Variants in LDAH observed in about 807,000 individuals in gnomAD.
LDAH encodes lipid droplet-associated hydrolase.
LDAH carries 26 observed loss-of-function variants against 29.6 expected under a neutral mutation model. The observed-to-expected ratio is 0.88, with a 90% CI of 0.64 to 1.22. The LOEUF is 1.22. Ranked by LOEUF, LDAH falls within the 50% of genes most tolerant of loss-of-function variation. The pLI is 0.00. For missense variants in LDAH, 344 were observed against 387.3 expected, an observed-to-expected ratio of 0.89 and a Z score of 0.94; for synonymous variants, 117 against 133.0, an observed-to-expected ratio of 0.88 and a Z score of 0.83.
chr2:20,787,413 T>A (rs1670633756), intron 3 of LDAH, among the ~76,000 whole-genome samples: 1 of 152,102 alleles, frequency 6.6e-6, no homozygotes, highest in Non-Finnish European at 1.5e-5. Flanking sequence ...CATGTCTTAG[T>A]CTCCCGAGTA....
intron 2 of LDAH, among the ~76,000 whole-genome samples, chr2:20,798,258 C>T (rs766941107): frequency 4.6e-5 from 7 of 152,108 alleles, no homozygotes; most frequent in African/African-American, 1.2e-4. Flanking sequence ...ATCTGAGAAA[C>T]GAGGGATCCA....
chr2:20,722,950 G>A (rs1432475410), intron 5 of LDAH, among the ~76,000 whole-genome samples: 1 of 152,156 alleles, frequency 6.6e-6, no homozygotes, highest in Non-Finnish European at 1.5e-5. Flanking sequence ...ATTGTCTTCT[G>A]AAGCTAAACA....
chr2:20,743,644 G>A (rs1470159743), intron 4 of LDAH, among the ~76,000 whole-genome samples: 1 of 152,048 alleles, frequency 6.6e-6, no homozygotes, highest in Non-Finnish European at 1.5e-5. Context: ...GAACATTTTA[G>A]TCTTTGTTTA....
chr2:20,747,327 G>A (rs1269454340), intron 4 of LDAH, among the ~76,000 whole-genome samples: 2 of 152,026 alleles, frequency 1.3e-5, no homozygotes, highest in African/African-American at 2.4e-5. Flanking sequence ...CTGCCTATTT[G>A]TTTATTAGTT....
intron 6 of LDAH, among the ~76,000 whole-genome samples, chr2:20,689,999 C>T (rs763731732): frequency 3.3e-5 from 5 of 152,198 alleles, no homozygotes; most frequent in Admixed American, 1.3e-4. Flanking sequence ...CTGTACGCAC[C>T]GCTGTTGCTT....
intron 4 of LDAH, among the ~76,000 whole-genome samples, chr2:20,749,125 A>G (rs764942657): frequency 1.3e-5 from 2 of 152,146 alleles, no homozygotes; most frequent in Non-Finnish European, 2.9e-5. Flanking sequence ...GGGTGACAAG[A>G]CAAAGTCCCT....
Position 20,686,783 on chromosome 2 carries a change from C to T in LDAH, c.*120G>A. The T allele has an allele frequency of 1.1e-6, 1 of 928,566 alleles. No homozygotes were observed. The highest frequency in any genetic ancestry group is 1.8e-5 in the South Asian group (1 of 56,768). The allele number at this position is 928,566 out of a possible 1,614,324, so 57.5% of individuals were successfully genotyped here. A position where few individuals can be genotyped will look rare whatever the true frequency, so the allele number is the denominator to read the frequency against. Reference sequence around the variant, plus strand: ...GCGAGCGGAGAGTTGGTTTGTAAGACAAAGGTTCTCACTTTCTTCATTTCT... The same window carrying T: ...GCGAGCGGAGAGTTGGTTTGTAAGATAAAGGTTCTCACTTTCTTCATTTCT... On this transcript the variant is annotated 3_prime_UTR_variant, in exon 7 of 7. Coordinates refer to ENST00000237822, the MANE Select transcript of LDAH (RefSeq NM_021925.4).
At chr2:20,778,603 T>C (rs1669972351) in intron 3 of LDAH, among the ~76,000 whole-genome samples, 1 of 152,174 alleles carries the variant, frequency 6.6e-6, no homozygotes, top group African/African-American at 2.4e-5. Context: ...CAGACATAAA[T>C]AAAATATACT....
chr2:20,768,875 T>C (rs1395037687), intron 4 of LDAH, among the ~76,000 whole-genome samples: 1 of 152,252 alleles, frequency 6.6e-6, no homozygotes, highest in East Asian at 1.9e-4. Flanking sequence ...TCACTTTTTA[T>C]GCTGCACTTT....
At position 20,774,965 on chromosome 2, in the gene LDAH, C is replaced by A; in HGVS notation, c.313G>T (p.Glu105Ter). Reference protein sequence around the residue: ...LTTSEDSNAQEIKDIYGLNGQ... With the variant: ...LTTSEDSNAQ Reference sequence around the variant, plus strand: ...TTTAGTCCATAAATGTCCTTAATTTCTTGAGCGTTTGAATCTAAAAGCAAA... The same window carrying A: ...TTTAGTCCATAAATGTCCTTAATTTATTGAGCGTTTGAATCTAAAAGCAAA... Residue 105 changes from glutamate to a stop codon, truncating the protein, a stop_gained, in exon 4 of 7, where the codon GAA (glutamate) becomes TAA (stop). Coordinates refer to ENST00000237822, the MANE Select transcript of LDAH (RefSeq NM_021925.4). LOFTEE classifies it high-confidence loss of function. 1 of 1,591,482 alleles carries A rather than the reference C, an allele frequency of 6.3e-7. No individual in the cohort carries two copies. The highest frequency in any genetic ancestry group is 8.6e-7 in the Non-Finnish European group (1 of 1,164,254).
At chr2:20,769,161 T>C (rs1426986904) in intron 4 of LDAH, among the ~76,000 whole-genome samples, 2 of 152,296 alleles carry the variant, frequency 1.3e-5, no homozygotes, top group East Asian at 1.9e-4. Context: ...TTGCCTAGAA[T>C]GCACAGTACC....
At chr2:20,821,736 G>A (rs938971489) in intron 1 of LDAH, among the ~76,000 whole-genome samples, 43 of 151,916 alleles carry the variant, frequency 2.8e-4, no homozygotes, top group Non-Finnish European at 4.3e-4. Flanking sequence ...TGCACGTTGT[G>A]CATATGTACC....
intron 6 of LDAH, among the ~76,000 whole-genome samples, chr2:20,697,014 C>T (rs1663542455): frequency 6.6e-6 from 1 of 152,162 alleles, no homozygotes; most frequent in African/African-American, 2.4e-5. Flanking sequence ...ATTACCCATG[C>T]TCTTGGCTTT....
chr2:20,772,218 T>C (rs1669480006), intron 4 of LDAH, among the ~76,000 whole-genome samples: 2 of 152,094 alleles, frequency 1.3e-5, no homozygotes, highest in African/African-American at 2.4e-5. Flanking sequence ...CCAAAACAGA[T>C]CTGTGATTAA....
chr2:20,732,231 A>G (rs1254829232), intron 5 of LDAH, among the ~76,000 whole-genome samples: 2 of 152,174 alleles, frequency 1.3e-5, no homozygotes, highest in African/African-American at 4.8e-5. Flanking sequence ...GGAATAAATC[A>G]CATTTGGTAA....
At chr2:20,754,199 G>C (rs1176256355) in intron 4 of LDAH, among the ~76,000 whole-genome samples, 1 of 151,984 alleles carries the variant, frequency 6.6e-6, no homozygotes, top group Non-Finnish European at 1.5e-5. Flanking sequence ...AAAAAGTAAA[G>C]TACGCAGGCT....
intron 1 of LDAH, among the ~76,000 whole-genome samples, chr2:20,821,789 A>T (rs1038567708): frequency 6.6e-6 from 1 of 152,230 alleles, no homozygotes; most frequent in East Asian, 1.9e-4. Flanking sequence ...AAAAAAAGAA[A>T]GAAAAAATCC....
intron 6 of LDAH, among the ~76,000 whole-genome samples, chr2:20,697,562 T>A (rs1444465012): frequency 6.6e-6 from 1 of 152,220 alleles, no homozygotes; most frequent in African/African-American, 2.4e-5. Flanking sequence ...GGTTGTCAAA[T>A]GTTTTGACTG....
At chr2:20,699,766 G>A (rs903095951) in intron 6 of LDAH, among the ~76,000 whole-genome samples, 1 of 152,080 alleles carries the variant, frequency 6.6e-6, no homozygotes, top group Non-Finnish European at 1.5e-5. Context: ...TTACACCCCC[G>A]TATTTCCCCA....
Sources: gnomAD v4.1 joint callset for allele counts (sites outside exome capture counted in the v4.1 genomes callset) on GRCh38, gnomAD v4.1.1 for gene constraint, MANE v1.5 for transcripts, NCBI Gene and HGNC (gene_info 2026-07-23, HGNC 2026-07-21) for gene names.